DAAM2: variants seen among roughly 807,000 people sequenced by gnomAD.
DAAM2 encodes dishevelled associated activator of morphogenesis 2.
A neutral mutation model predicts 120.7 loss-of-function variants in DAAM2; 39 were observed. That is an observed-to-expected ratio of 0.32 (90% CI 0.25 to 0.42). The LOEUF (loss-of-function observed/expected upper bound fraction) is 0.42. DAAM2 is among the 10% of genes least tolerant of loss of function. The probability of loss-of-function intolerance (pLI) is 1.00; values close to 1 mark genes in which losing one functional copy is unlikely to be tolerated. For synonymous variants in DAAM2, 488 were observed against 524.9 expected, an observed-to-expected ratio of 0.93 and a Z score of 0.96; for missense variants, 1,283 against 1,401.7, an observed-to-expected ratio of 0.92 and a Z score of 1.35.
chr6:39,818,218 C>A (rs1762372519), intron 1 of DAAM2, among the ~76,000 whole-genome samples: 1 of 147,102 alleles, frequency 6.8e-6, no homozygotes, highest in Non-Finnish European at 1.5e-5. Flanking sequence ...TTCACAGTAA[C>A]CTTTATACTG....
intron 1 of DAAM2, among the ~76,000 whole-genome samples, chr6:39,801,263 C>A (rs1421991382): frequency 6.6e-6 from 1 of 152,064 alleles, no homozygotes; most frequent in Non-Finnish European, 1.5e-5. Context: ...TTTAGGCAAC[C>A]CTCAACTGAT....
At chr6:39,893,245 G>A (rs766131551) in intron 19 of DAAM2, among the ~76,000 whole-genome samples, 10 of 152,188 alleles carry the variant, frequency 6.6e-5, no homozygotes, top group South Asian at 2.1e-4. Context: ...GGCTGGGTGC[G>A]GTGGCTGATG....
chr6:39,814,188 CT>C (rs5875686), intron 1 of DAAM2, among the ~76,000 whole-genome samples: 69,388 of 139,658 alleles, frequency 0.5, 17,579 homozygotes, highest in South Asian at 0.62. Flanking sequence ...TTCTTTCTTT[CT>C]TTTTTTTTTT....
intron 14 of DAAM2, chr6:39,879,742 T>C: frequency 3.5e-6 from 2 of 570,334 alleles, no homozygotes; most frequent in South Asian, 3.9e-5. Flanking sequence ...TGCCCAGGGT[T>C]AATGGAGTCA....
At position 39,901,544 on chromosome 6, in the gene DAAM2, G is replaced by C; in HGVS notation, c.2982+72G>C. On this transcript the variant is annotated intron_variant, in intron 24 of 24. Transcript: ENST00000274867. This position sits in a 1 kb window ranked among gnomAD's most constrained non-coding sequence, Gnocchi z 4.5. The stretch of plus-strand genomic sequence containing the variant: ...TTGGGGAGAACACCCCCAAACTGGG[G>C]TGTGTGGGAGGAGGGCAGAGACTGA... The C allele has an allele frequency of 6.6e-7, 1 of 1,505,288 alleles. No homozygotes were observed. Among genetic ancestry groups the C allele is most frequent in the Non-Finnish European group, 8.9e-7 (1 of 1,117,476 alleles). The allele number at this position is 1,505,288 out of a possible 1,614,324, so 93.2% of individuals were successfully genotyped here.
At chr6:39,838,007 T>G (rs948975153) in intron 1 of DAAM2, among the ~76,000 whole-genome samples, 4 of 152,220 alleles carry the variant, frequency 2.6e-5, no homozygotes, top group Admixed American at 6.5e-5. Context: ...GGCTGACAGA[T>G]AATTCCCTAA....
chr6:39,811,549 G>A (rs3008797), intron 1 of DAAM2, among the ~76,000 whole-genome samples: 45,464 of 152,070 alleles, frequency 0.3, 7,571 homozygotes, highest in South Asian at 0.39. Context: ...TCTCTGGAAC[G>A]TCTGCCTGGA....
chr6:39,816,210 T>C (rs1762304878), intron 1 of DAAM2, among the ~76,000 whole-genome samples: 1 of 152,232 alleles, frequency 6.6e-6, no homozygotes, highest in Admixed American at 6.5e-5. Flanking sequence ...GCTGCGCATT[T>C]CTAACATGTT....
chr6:39,845,611 C>T (rs957073167), intron 1 of DAAM2, among the ~76,000 whole-genome samples: 1 of 151,954 alleles, frequency 6.6e-6, no homozygotes, highest in Non-Finnish European at 1.5e-5. Context: ...ACCGCTTCAC[C>T]CAGAGAGTCA....
At chr6:39,840,229 A>ACAAAC (rs1554170467) in intron 1 of DAAM2, among the ~76,000 whole-genome samples, 4 of 152,012 alleles carry the variant, frequency 2.6e-5, no homozygotes, top group African/African-American at 9.7e-5. Context: ...AATGTCTCAA[A>ACAAAC]AAACAAACAA....
intron 22 of DAAM2, chr6:39,899,493 C>T (rs1255006953): frequency 1.5e-4 from 24 of 158,024 alleles, no homozygotes; most frequent in Admixed American, 1.4e-3. Context: ...AAGTCTTGTC[C>T]CCCACACCTA....
chr6:39,890,658 A>G (rs1765655964), intron 17 of DAAM2, among the ~76,000 whole-genome samples: 1 of 152,210 alleles, frequency 6.6e-6, no homozygotes, highest in South Asian at 2.1e-4. Context: ...TCTTAATCTG[A>G]ATGATGATTC....
rs1170942227 is a variant in DAAM2, at chr6:39,879,427, C to T, written c.1795C>T (p.Pro599Ser). ...CGTCCCACTCAGGAAAAAGCGTGTC[C>T]CCCAGCCTTCTCACCCACTGAAGTC... The part of the protein sequence containing the change: ...SDVPLRKKRV[P>S]QPSHPLKSFN... Residue 599 changes from proline (P) to serine (S), a missense_variant, in exon 14 of 25, where the codon CCC becomes TCC. Physicochemically the swap from Pro to Ser is moderately conservative, Grantham distance 74. Transcript: ENST00000274867. 6.2e-7 allele frequency: 1 copy of T among 1,613,990 alleles called. No homozygotes were observed. Among genetic ancestry groups the T allele is most frequent in the South Asian group, 1.1e-5 (1 of 91,082 alleles).
At chr6:39,817,242 C>T (rs1762336321) in intron 1 of DAAM2, among the ~76,000 whole-genome samples, 1 of 152,190 alleles carries the variant, frequency 6.6e-6, no homozygotes, top group Non-Finnish European at 1.5e-5. Flanking sequence ...TTTTATGATT[C>T]TATTACTTTT....
chr6:39,884,024 C>T lies in DAAM2; in HGVS notation c.1908C>T (p.Asp636=). The change falls in exon 15 of 25, where the codon GAC becomes GAT. Residue 636 remains aspartate (D), a synonymous_variant. Transcript: ENST00000274867. The stretch of plus-strand genomic sequence containing the variant: ...ACATGCAGGTATTTCGGATCCTGGA[C>T]CTAGAGGATTTTGAAAAGATGTTTT... The part of the protein sequence containing the change: ...IDDMQVFRIL[D]LEDFEKMFSA... 1 of 1,613,152 alleles carries T rather than the reference C, an allele frequency of 6.2e-7. No individual in the cohort carries two copies. The highest frequency in any genetic ancestry group is 1.1e-5 in the South Asian group (1 of 90,912).
At chr6:39,846,781 C>T (rs1349569229) in intron 1 of DAAM2, among the ~76,000 whole-genome samples, 2 of 151,902 alleles carry the variant, frequency 1.3e-5, no homozygotes, top group Admixed American at 1.3e-4. Flanking sequence ...CTCTTCCCAA[C>T]CAAACTGAAC....
At position 39,902,168 on chromosome 6, in the gene DAAM2, G is replaced by A. The variant is rs954047808; in HGVS notation, c.*131G>A. The A allele has an allele frequency of 6.9e-5, 48 of 699,446 alleles. No individual in the cohort carries two copies. Among genetic ancestry groups the A allele is most frequent in the Non-Finnish European group, 9.8e-5 (43 of 440,532 alleles). 43.3% of individuals were successfully genotyped at this position (699,446 alleles called of 1,614,324 possible). A position where few individuals can be genotyped will look rare whatever the true frequency, so the allele number is the denominator to read the frequency against. On this transcript the variant is annotated 3_prime_UTR_variant, in exon 25 of 25. Coordinates refer to ENST00000274867, the MANE Select transcript of DAAM2 (RefSeq NM_001201427.2). Reference sequence around the variant, plus strand: ...CTTGGGCTGGGTCCTGGGATGGGGGGCTGTGTGTGGCTGGACCAGGTGTCT... The same window carrying A: ...CTTGGGCTGGGTCCTGGGATGGGGGACTGTGTGTGGCTGGACCAGGTGTCT...
At chr6:39,811,499 C>T (rs1269780984) in intron 1 of DAAM2, among the ~76,000 whole-genome samples, 2 of 152,082 alleles carry the variant, frequency 1.3e-5, no homozygotes, top group Non-Finnish European at 2.9e-5. Flanking sequence ...GGGGAGAGCT[C>T]GTGGGCAACA....
In DAAM2 at chr6:39,904,140, C is replaced by T. The variant is rs975645520; in HGVS notation, c.*2103C>T. ...CACCCACCATGGAAGACTGGATACG[C>T]ACCTGGAAACAAAAGGACTATGGAA... On this transcript the variant is annotated 3_prime_UTR_variant, in exon 25 of 25. Coordinates refer to ENST00000274867, the MANE Select transcript of DAAM2 (RefSeq NM_001201427.2). 1.1e-5 allele frequency: 5 copies of T among 454,104 alleles called. No homozygotes were observed. Among genetic ancestry groups the T allele is most frequent in the South Asian group, 3.1e-5 (2 of 64,126 alleles). 28.1% of individuals were successfully genotyped at this position (454,104 alleles called of 1,614,324 possible).
Sources: gnomAD v4.1 joint callset for allele counts (sites outside exome capture counted in the v4.1 genomes callset) on GRCh38, gnomAD v4.1.1 for gene constraint, Gnocchi (gnomAD v3.1) non-coding constraint, MANE v1.5 for transcripts, NCBI Gene and HGNC (gene_info 2026-07-23, HGNC 2026-07-21) for gene names.